Variants in ADAM9 observed in about 807,000 individuals in gnomAD.
ADAM9 encodes the protein ADAM metallopeptidase domain 9, also known as disintegrin and metalloproteinase domain-containing protein 9.
In ADAM9, 54 loss-of-function variants were observed where a neutral mutation model predicts 108.1. That is an observed-to-expected ratio of 0.50 (90% CI 0.40 to 0.63). The LOEUF is 0.63. ADAM9 is among the 20% of genes least tolerant of loss of function. ADAM9 has a pLI of 0.00. For synonymous variants in ADAM9, 316 were observed against 336.0 expected (o/e 0.94, Z 0.65); for missense variants, 830 against 997.7 (o/e 0.83, Z 2.26).
rs767413476 is a variant in ADAM9 at position 39,103,591 on chromosome 8, T to C, written c.2367-16T>C. The C allele has an allele frequency of 6.2e-7, 1 of 1,611,836 alleles. No individual in the cohort carries two copies. The highest frequency in any genetic ancestry group is 2.2e-5 in the East Asian group (1 of 44,864). Reference sequence around the variant, plus strand: ...CAGTCTAAACACTCTATTAACTATCTCTTTTCCCCTCGCAGGCCACCTCCA... The same window carrying C: ...CAGTCTAAACACTCTATTAACTATCCCTTTTCCCCTCGCAGGCCACCTCCA... On this transcript the variant is annotated splice_polypyrimidine_tract_variant and intron_variant, in intron 21 of 21. Coordinates refer to ENST00000487273, the MANE Select transcript of ADAM9 (RefSeq NM_003816.3).
At chr8:39,064,746 G>A (rs188777247) in intron 14 of ADAM9, among the ~76,000 whole-genome samples, 49 of 152,198 alleles carry the variant, frequency 3.2e-4, no homozygotes, top group Admixed American at 9.8e-4. Flanking sequence ...CTTAGATAAG[G>A]TGAATTAGAG....
Position 39,101,920 on chromosome 8 carries a change from T to C in ADAM9, c.2356T>C (p.Phe786Leu). The change falls in exon 21 of 22, where the codon TTC becomes CTC. Residue 786 changes from phenylalanine to leucine, a missense_variant. Transcript: ENST00000487273. ...PTYAAKQPQQ[F>L]PSRPPPPQPK... ...CTATGCAGCCAAGCAACCTCAGCAGTTCCCATCAAGGTCAGAAGAAAATTT... is the reference window on the plus strand; with the variant it reads ...CTATGCAGCCAAGCAACCTCAGCAGCTCCCATCAAGGTCAGAAGAAAATTT... 6.2e-7 allele frequency: 1 copy of C among 1,613,744 alleles called. No individual in the cohort carries two copies.
rs748138704 is a variant in ADAM9 at position 39,083,054 on chromosome 8, C to G, written c.2049C>G (p.Asp683Glu). The change falls in exon 18 of 22, where the codon GAC becomes GAG. Residue 683 changes from aspartate to glutamate, a missense_variant. Asp to Glu is a conservative substitution (Grantham distance 45). Transcript: ENST00000487273. ...CETKGYGGSV[D>E]SGPTYNEMNT... is the part of the protein sequence containing the mutation. ...CTAAAGGATACGGAGGAAGTGTGGA[C>G]AGTGGACCTACATACAATGGCAAGT... 3 of 1,613,754 alleles carry G rather than the reference C, an allele frequency of 1.9e-6. No homozygotes were observed. The South Asian group carries it at 3.3e-5, about 18-fold the overall frequency.
At chr8:39,065,789 A>C (rs1277314770) in intron 14 of ADAM9, among the ~76,000 whole-genome samples, 1 of 151,922 alleles carries the variant, frequency 6.6e-6, no homozygotes, top group Non-Finnish European at 1.5e-5. Flanking sequence ...TCTAGGGTAC[A>C]TGTGCACAAC....
At chr8:39,010,156 G>T (rs1836309465) in intron 2 of ADAM9, among the ~76,000 whole-genome samples, 1 of 151,810 alleles carries the variant, frequency 6.6e-6, no homozygotes, top group Non-Finnish European at 1.5e-5. Flanking sequence ...AAGGAGGGGG[G>T]TGAACAATCC....
chr8:39,008,333 G>A (rs780124080), intron 2 of ADAM9, among the ~76,000 whole-genome samples: 3 of 152,042 alleles, frequency 2.0e-5, no homozygotes, highest in Non-Finnish European at 4.4e-5. Context: ...ACCATGTCTG[G>A]CTAATTTTTT....
At chr8:39,026,978 G>C (rs1393126292) in intron 11 of ADAM9, among the ~76,000 whole-genome samples, 168 bp downstream of exon 11, 1 of 146,632 alleles carries the variant, frequency 6.8e-6, no homozygotes, top group Non-Finnish European at 1.5e-5. Flanking sequence ...TTTTTTTCCA[G>C]CCTTTTAGAT....
chr8:39,079,431 G>T (rs371682580), intron 16 of ADAM9, among the ~76,000 whole-genome samples: 2 of 151,890 alleles, frequency 1.3e-5, no homozygotes, highest in Non-Finnish European at 2.9e-5. Context: ...GTCTTTATTA[G>T]ATCCATGTAT....
rs995152103 is a variant in ADAM9 at position 39,091,242 on chromosome 8, G to C, written c.2211-17G>C. ...GTTTTTATCTTAATTTAGATCAAAA[G>C]TAATTGTATCTTTCAGGTCAGATGG... On this transcript the variant is annotated splice_polypyrimidine_tract_variant and intron_variant, in intron 19 of 21. Coordinates refer to ENST00000487273, the MANE Select transcript of ADAM9 (RefSeq NM_003816.3). The C allele has an allele frequency of 6.2e-7, 1 of 1,608,454 alleles. No homozygotes were observed. Among genetic ancestry groups the C allele is most frequent in the Non-Finnish European group, 8.5e-7 (1 of 1,174,952 alleles).
At chr8:39,026,911 T>A in intron 11 of ADAM9, 101 bp downstream of exon 11, 1 of 1,487,120 alleles carries the variant, frequency 6.7e-7, no homozygotes. Flanking sequence ...ACAGGAAATG[T>A]TATTTCCGGT....
Position 39,055,561 on chromosome 8 carries a change from A to T in ADAM9, c.1396-16A>T, listed in dbSNP as rs2129438778. On this transcript the variant is annotated splice_polypyrimidine_tract_variant and intron_variant, in intron 13 of 21. Transcript: ENST00000487273. ...TATCCTGATATTTCTGTTTAATTTGAATTCTATTTCACTAGTTCCTTCCAG... is the reference window on the plus strand; with the variant it reads ...TATCCTGATATTTCTGTTTAATTTGTATTCTATTTCACTAGTTCCTTCCAG... 3.1e-6 allele frequency: 5 copies of T among 1,612,200 alleles called. No individual in the cohort carries two copies. The highest frequency in any genetic ancestry group is 4.2e-6 in the Non-Finnish European group (5 of 1,178,512).
At chr8:39,071,003 T>G (rs777764117) in intron 14 of ADAM9, among the ~76,000 whole-genome samples, 7 of 152,224 alleles carry the variant, frequency 4.6e-5, no homozygotes, top group Non-Finnish European at 1.0e-4. Context: ...TACTATACTG[T>G]GCATGGTTTT....
At chr8:39,089,792 A>G (rs1839291060) in intron 18 of ADAM9, 1 of 459,370 alleles carries the variant, frequency 2.2e-6, no homozygotes, top group South Asian at 2.1e-5. Context: ...GACAGTAGAA[A>G]CGTATTTTGT....
chr8:39,014,160 C>T (rs1197101356), intron 4 of ADAM9, 117 bp downstream of exon 4: 1 of 822,446 alleles, frequency 1.2e-6, no homozygotes. Flanking sequence ...GTACCTTTAA[C>T]ATTATAACAT....
Position 39,064,254 on chromosome 8 carries a change from A to G in ADAM9, c.1592-7044A>G, listed in dbSNP as rs547838081. Among the ~76,000 whole-genome samples the G allele has an allele frequency of 2.6e-5, 4 of 152,310 alleles. No homozygotes were observed. The South Asian group carries it at 6.2e-4, about 24-fold the overall frequency. On this transcript the variant is annotated intron_variant, in intron 14 of 21. Coordinates refer to ENST00000487273, the MANE Select transcript of ADAM9 (RefSeq NM_003816.3). ...TACGTTAACTTTTGGAAATAGAGTCATAAGTGTCTTTAAAAATCTAATCAG... is the reference window on the plus strand; with the variant it reads ...TACGTTAACTTTTGGAAATAGAGTCGTAAGTGTCTTTAAAAATCTAATCAG...
chr8:39,001,812 C>T (rs1277176355), intron 1 of ADAM9, among the ~76,000 whole-genome samples: 4 of 151,676 alleles, frequency 2.6e-5, no homozygotes, highest in Non-Finnish European at 5.9e-5. Context: ...GGATTACAGG[C>T]GCGTGCGCCA....
chr8:39,022,067 TG>T (rs1193119139), intron 8 of ADAM9, among the ~76,000 whole-genome samples: 78 of 110,782 alleles, frequency 7.0e-4, no homozygotes, highest in African/African-American at 5.0e-3. Context: ...ACAATATTTG[TG>T]TGTGTGTGTG....
chr8:39,103,406 ATT>A (rs562812419), intron 21 of ADAM9, among the ~76,000 whole-genome samples, 199 bp from the exon 22 acceptor site: 5 of 151,494 alleles, frequency 3.3e-5, no homozygotes, highest in African/African-American at 1.2e-4. Context: ...GAGTAATATT[ATT>A]TAAAGTAGTT....
chr8:39,064,024 C>T lies in ADAM9; in HGVS notation c.1592-7274C>T, dbSNP rs540271271. 2.0e-5 allele frequency among the ~76,000 whole-genome samples: 3 copies of T among 152,178 alleles called. No homozygotes were observed. The East Asian group carries it at 5.8e-4, about 29-fold the overall frequency. On this transcript the variant is annotated intron_variant, in intron 14 of 21. Coordinates refer to ENST00000487273, the MANE Select transcript of ADAM9 (RefSeq NM_003816.3). ...ATGGTGCTTGAACTAGGAATCCCTG[C>T]GCTTATCATCTTCTTTCCCTACTTT...
Sources: gnomAD v4.1 joint callset for allele counts (sites outside exome capture counted in the v4.1 genomes callset) on GRCh38, gnomAD v4.1.1 for gene constraint, MANE v1.5 for transcripts, NCBI Gene and HGNC (gene_info 2026-07-23, HGNC 2026-07-21) for gene names.